The following CUX1 variants were observed in gnomAD, a reference collection of about 807,000 sequenced individuals.
The protein encoded by CUX1 is cut like homeobox 1, also known as protein CASP.
In CUX1, 31 loss-of-function variants were observed where a neutral mutation model predicts 158.8. The observed-to-expected ratio is 0.20, with a 90% confidence interval of 0.15 to 0.26. The LOEUF is 0.26. Ranked by LOEUF, CUX1 falls within the 10% of genes least tolerant of loss-of-function variation. The probability of loss-of-function intolerance (pLI) is 1.00; values close to 1 mark genes in which losing one functional copy is unlikely to be tolerated. For synonymous variants in CUX1, 879 were observed against 862.1 expected, an observed-to-expected ratio of 1.02 and a Z score of -0.34; for missense variants, 1,589 against 2,014.6, an observed-to-expected ratio of 0.79 and a Z score of 4.04.
intron 1 of CUX1, among the ~76,000 whole-genome samples, chr7:101,902,907 C>T (rs753842606): frequency 1.3e-5 from 2 of 152,128 alleles, no homozygotes; most frequent in Non-Finnish European, 2.9e-5. Context: ...ACCACCACAC[C>T]CCTCTGATAT....
At chr7:101,845,983 G>C (rs1021889722) in intron 1 of CUX1, among the ~76,000 whole-genome samples, 1 of 151,868 alleles carries the variant, frequency 6.6e-6, no homozygotes, top group Non-Finnish European at 1.5e-5. Context: ...ACTCCAGCCT[G>C]GGTGACAAAG....
At chr7:102,183,350 T>C (rs1233109434) in intron 11 of CUX1, among the ~76,000 whole-genome samples, 1 of 149,474 alleles carries the variant, frequency 6.7e-6, no homozygotes, top group Non-Finnish European at 1.5e-5. Context: ...TGAGCCAGAG[T>C]GGTGGCACAT....
intron 3 of CUX1, among the ~76,000 whole-genome samples, chr7:102,040,683 A>G (rs1343476268): frequency 5.3e-5 from 8 of 152,258 alleles, no homozygotes; most frequent in Non-Finnish European, 1.2e-4. Flanking sequence ...TTGAGCTGTA[A>G]CATATTTAAG....
chr7:102,280,157 C>T, intron 19 of CUX1: 2 of 1,452,858 alleles, frequency 1.4e-6, no homozygotes, highest in Non-Finnish European at 1.9e-6. Context: ...AGGGGAGGGG[C>T]ATCAGCCCAG....
intron 1 of CUX1, among the ~76,000 whole-genome samples, chr7:101,864,454 G>A (rs1797754769): frequency 6.6e-6 from 1 of 152,116 alleles, no homozygotes; most frequent in Admixed American, 6.5e-5. Flanking sequence ...GAGCCACCAT[G>A]CCTAGCCTGG....
At chr7:102,076,913 A>G (rs1376079773) in intron 4 of CUX1, among the ~76,000 whole-genome samples, 1 of 151,862 alleles carries the variant, frequency 6.6e-6, no homozygotes, top group African/African-American at 2.4e-5. Flanking sequence ...GTTCGCCTGT[A>G]GTCCCAGCTG....
At chr7:102,009,070 C>T (rs1296797923) in intron 2 of CUX1, among the ~76,000 whole-genome samples, 1 of 152,184 alleles carries the variant, frequency 6.6e-6, no homozygotes, top group Non-Finnish European at 1.5e-5. Flanking sequence ...GGCCTGCCAG[C>T]CACAGCGGTT....
intron 3 of CUX1, among the ~76,000 whole-genome samples, chr7:102,062,833 G>A (rs1167708010): frequency 2.0e-5 from 3 of 152,026 alleles, no homozygotes; most frequent in Admixed American, 1.3e-4. Context: ...AGCCGGGTGC[G>A]GTGGCTCATG....
At chr7:102,133,079 T>C (rs1226569673) in intron 8 of CUX1, among the ~76,000 whole-genome samples, 1 of 152,198 alleles carries the variant, frequency 6.6e-6, no homozygotes, top group Non-Finnish European at 1.5e-5. Context: ...GCTAAAGTTA[T>C]CTTTCTAAAA....
rs187245058 is a variant in CUX1, at chr7:102,207,729, G to A, written c.3130+2559G>A. ...GGCCTCCCAAAGTGCTGGGATTACA[G>A]GTGTGAGCCACTGCACCTGGCCAGG... On this transcript the variant is annotated intron_variant, in intron 20 of 23. Transcript: ENST00000292535. Among the ~76,000 whole-genome samples, 136 of 152,254 alleles carry A rather than the reference G, an allele frequency of 8.9e-4. 1 individual carries two copies. Among genetic ancestry groups the A allele is most frequent in the African/African-American group, 3.1e-3 (130 of 41,536 alleles).
chr7:101,948,351 T>C (rs759598476), intron 2 of CUX1, among the ~76,000 whole-genome samples: 3 of 152,232 alleles, frequency 2.0e-5, no homozygotes, highest in Non-Finnish European at 4.4e-5. Flanking sequence ...AGCGGAAAAC[T>C]GTCTGCTCTG....
At chr7:102,171,716 G>A (rs148139103) in intron 10 of CUX1, among the ~76,000 whole-genome samples, 53 of 152,152 alleles carry the variant, frequency 3.5e-4, no homozygotes, top group African/African-American at 1.1e-3. Flanking sequence ...CCAGAGTGCT[G>A]GGATTACAGG....
chr7:101,821,864 T>C (rs1270023438), intron 1 of CUX1, among the ~76,000 whole-genome samples: 1 of 139,430 alleles, frequency 7.2e-6, no homozygotes, highest in Non-Finnish European at 1.5e-5. Flanking sequence ...TTTGTTTTTT[T>C]TTTTTTTTGA....
At chr7:102,279,015 A>G (rs1791842305) in intron 18 of CUX1, among the ~76,000 whole-genome samples, 1 of 152,068 alleles carries the variant, frequency 6.6e-6, no homozygotes, top group South Asian at 2.1e-4. Flanking sequence ...ACTCCAGCCC[A>G]GGTGACAGAG....
chr7:101,856,712 T>C (rs1174411373), intron 1 of CUX1, among the ~76,000 whole-genome samples: 1 of 152,224 alleles, frequency 6.6e-6, no homozygotes, highest in African/African-American at 2.4e-5. Flanking sequence ...GAACGCTGTT[T>C]TTTTCTACGC....
intron 1 of CUX1, among the ~76,000 whole-genome samples, chr7:101,845,970 T>C (rs1292452128): frequency 6.6e-6 from 1 of 151,158 alleles, no homozygotes; most frequent in East Asian, 1.9e-4. Flanking sequence ...ATTGCACCAC[T>C]GCACTCCAGC....
intron 2 of CUX1, among the ~76,000 whole-genome samples, chr7:101,974,791 G>T (rs192174072): frequency 6.6e-6 from 1 of 152,126 alleles, no homozygotes; most frequent in African/African-American, 2.4e-5. Context: ...TTATTTGTGC[G>T]TTGTATGTAT....
At chr7:101,950,135 G>A (rs940153336) in intron 2 of CUX1, among the ~76,000 whole-genome samples, 8 of 151,756 alleles carry the variant, frequency 5.3e-5, no homozygotes, top group African/African-American at 1.2e-4. Context: ...TCAGCCTCCC[G>A]AGTAGCTGGG....
chr7:102,207,037 G>A (rs573878320), intron 20 of CUX1, among the ~76,000 whole-genome samples: 2 of 152,152 alleles, frequency 1.3e-5, no homozygotes, highest in Admixed American at 6.5e-5. Context: ...GTATTGTAAC[G>A]GATCATCGCC....
Sources: allele counts gnomAD v4.1 joint callset (sites outside exome capture counted in the v4.1 genomes callset), GRCh38; gene constraint gnomAD v4.1.1; transcripts MANE v1.5; gene names NCBI Gene and HGNC (gene_info 2026-07-23, HGNC 2026-07-21).